CADM2: variants seen among roughly 807,000 people sequenced by gnomAD.
CADM2 encodes immunoglobulin superfamily member 4D.
In CADM2, 12 loss-of-function variants were observed where a neutral mutation model predicts 49.8. The observed-to-expected ratio is 0.24, with a 90% CI of 0.15 to 0.39. The LOEUF is 0.39. Among genes scored for constraint, CADM2 ranks in the 10% least tolerant of loss-of-function variants. CADM2 has a pLI of 1.00. For synonymous variants in CADM2, 214 were observed against 175.4 expected, an observed-to-expected ratio of 1.22 and a Z score of -1.74; for missense variants, 378 against 492.3, an observed-to-expected ratio of 0.77 and a Z score of 2.20.
chr3:84,989,678 T>C (rs955441298), intron 1 of CADM2, among the ~76,000 whole-genome samples: 3 of 152,080 alleles, frequency 2.0e-5, no homozygotes, highest in African/African-American at 7.2e-5. Flanking sequence ...TCTCACTAAA[T>C]TGCATGAGAT....
rs974872059 is a variant in CADM2 at position 84,959,498 on chromosome 3, T to C, written c.-110T>C. ...ACACCGCAGCGGTGGGGACGGTGGG[T>C]CCGGCGGGCGCCGGGAGGAGGACAC... On this transcript the variant is annotated 5_prime_UTR_variant, in exon 1 of 10. Transcript: ENST00000383699. 55 of 1,078,134 alleles carry C rather than the reference T, an allele frequency of 5.1e-5. No individual in the cohort carries two copies. Among genetic ancestry groups the C allele is most frequent in the Admixed American group, 1.3e-4 (6 of 46,212 alleles). 66.8% of individuals were successfully genotyped at this position (1,078,134 alleles called of 1,614,324 possible).
At chr3:85,176,189 A>T (rs2040781072) in intron 1 of CADM2, among the ~76,000 whole-genome samples, 1 of 152,084 alleles carries the variant, frequency 6.6e-6, no homozygotes, top group South Asian at 2.1e-4. Flanking sequence ...TGCCTTAAGC[A>T]TTCTAAGAAA....
intron 2 of CADM2, among the ~76,000 whole-genome samples, chr3:85,791,190 C>A (rs2071302603): frequency 6.6e-6 from 1 of 152,142 alleles, no homozygotes; most frequent in African/African-American, 2.4e-5. Flanking sequence ...AATTTCCTAT[C>A]TCACATGATA....
At position 85,543,233 on chromosome 3, in the gene CADM2, TA is replaced by T. The variant is rs1559898629; in HGVS notation, c.62-183288del. On this transcript the variant is annotated intron_variant, in intron 1 of 9. Coordinates refer to ENST00000383699, the MANE Select transcript of CADM2 (RefSeq NM_001167675.2). Reference sequence around the variant, plus strand: ...ATATCTAAAGTTCCACAACTCTTTTTATTTATTTATTTATTTATTTTTTATT... The same window carrying T: ...ATATCTAAAGTTCCACAACTCTTTTTTTTATTTATTTATTTATTTTTTATT... Among the ~76,000 whole-genome samples, 1,354 of 149,182 alleles carry T rather than the reference TA, an allele frequency of 9.1e-3. 20 individuals are homozygous for T. Among genetic ancestry groups the T allele is most frequent in the African/African-American group, 0.028 (1,162 of 41,092 alleles).
chr3:85,592,989 A>C (rs1054748954), intron 1 of CADM2, among the ~76,000 whole-genome samples: 1 of 151,856 alleles, frequency 6.6e-6, no homozygotes, highest in Non-Finnish European at 1.5e-5. Flanking sequence ...GCTGATTTTA[A>C]AGGGACTCCA....
chr3:85,396,148 T>G (rs1187150865), intron 1 of CADM2, among the ~76,000 whole-genome samples: 1 of 151,620 alleles, frequency 6.6e-6, no homozygotes, highest in Non-Finnish European at 1.5e-5. Flanking sequence ...GATGTAACAA[T>G]TTTTGTGTGT....
chr3:85,557,972 C>A (rs1328340333), intron 1 of CADM2, among the ~76,000 whole-genome samples: 2 of 151,996 alleles, frequency 1.3e-5, no homozygotes, highest in African/African-American at 4.8e-5. Context: ...TTAGACAAAG[C>A]ATTTGAACAC....
intron 1 of CADM2, among the ~76,000 whole-genome samples, chr3:85,601,756 G>GTTCA (rs1221975726): frequency 6.6e-6 from 1 of 150,770 alleles, no homozygotes; most frequent in Non-Finnish European, 1.5e-5. Context: ...CTTTCTTTGT[G>GTTCA]TTCATTTACT....
intron 1 of CADM2, among the ~76,000 whole-genome samples, chr3:85,666,579 A>G (rs983941745): frequency 4.6e-5 from 7 of 152,016 alleles, no homozygotes; most frequent in Non-Finnish European, 1.0e-4. Context: ...AACCAGGAAA[A>G]ACTATATTTT....
intron 1 of CADM2, among the ~76,000 whole-genome samples, chr3:85,602,097 T>C (rs545988410): frequency 6.6e-6 from 1 of 151,954 alleles, no homozygotes; most frequent in East Asian, 1.9e-4. Flanking sequence ...TTCAATTTTT[T>C]ACTTTTTCTT....
intron 3 of CADM2, among the ~76,000 whole-genome samples, chr3:85,843,833 T>C (rs759479735): frequency 1.3e-5 from 2 of 151,814 alleles, no homozygotes; most frequent in Non-Finnish European, 2.9e-5. Flanking sequence ...CAAATAGACT[T>C]GAGCAAGAAT....
rs144307462 is a variant in CADM2, at chr3:84,985,226, C to G, written c.61+25558C>G. The stretch of plus-strand genomic sequence containing the variant: ...TTTTAATATATTGCCAATAATATTC[C>G]TTTGTAACCTTATGAACTATATTAT... On this transcript the variant is annotated intron_variant, in intron 1 of 9. Coordinates refer to ENST00000383699, the MANE Select transcript of CADM2 (RefSeq NM_001167675.2). Among the ~76,000 whole-genome samples the G allele has an allele frequency of 6.2e-3, 936 of 151,912 alleles. 15 individuals carry two copies. Among genetic ancestry groups the G allele is most frequent in the African/African-American group, 0.022 (897 of 41,428 alleles).
intron 7 of CADM2, among the ~76,000 whole-genome samples, chr3:85,958,507 A>G (rs569117561): frequency 4.6e-5 from 7 of 152,098 alleles, no homozygotes; most frequent in Non-Finnish European, 8.8e-5. Context: ...TCAAGGATCT[A>G]TAACCAGAAA....
At chr3:86,058,107 C>T (rs906212528) in intron 8 of CADM2, among the ~76,000 whole-genome samples, 1 of 152,148 alleles carries the variant, frequency 6.6e-6, no homozygotes, top group Non-Finnish European at 1.5e-5. Context: ...AAATTATTCT[C>T]TTATTTAATC....
At chr3:85,439,998 C>G (rs1295241308) in intron 1 of CADM2, among the ~76,000 whole-genome samples, 1 of 152,050 alleles carries the variant, frequency 6.6e-6, no homozygotes, top group East Asian at 1.9e-4. Context: ...TAACAATATT[C>G]CATTAGGAGA....
At chr3:85,665,164 G>T (rs771372836) in intron 1 of CADM2, among the ~76,000 whole-genome samples, 1 of 151,860 alleles carries the variant, frequency 6.6e-6, no homozygotes, top group East Asian at 1.9e-4. Flanking sequence ...TTTGAAGCCT[G>T]CTTGATTGAA....
At chr3:85,562,975 A>G (rs1312704112) in intron 1 of CADM2, among the ~76,000 whole-genome samples, 1 of 152,190 alleles carries the variant, frequency 6.6e-6, no homozygotes. Context: ...GTTTTCTTGA[A>G]ATGTGATCAC....
rs969053623 is a variant in CADM2 at position 85,172,778 on chromosome 3, T to G, written c.61+213110T>G. On this transcript the variant is annotated intron_variant, in intron 1 of 9. Transcript: ENST00000383699. ...GTAAGGCTGTTGTAATTGGTGGCTC[T>G]GCGCATATGGTGAAAGTTGAGCTTG... Among the ~76,000 whole-genome samples the G allele has an allele frequency of 6.0e-5, 9 of 150,630 alleles. No homozygotes were observed. In the South Asian group the frequency reaches 1.3e-3, roughly 21 times the overall value.
At chr3:84,984,048 TAC>T (rs10603844) in intron 1 of CADM2, among the ~76,000 whole-genome samples, 46,030 of 142,728 alleles carry the variant, frequency 0.32, 7,592 homozygotes, top group Admixed American at 0.4. Context: ...TATATATATA[TAC>T]ACACACACAC....
Sources: gnomAD v4.1 joint callset for allele counts (sites outside exome capture counted in the v4.1 genomes callset) on GRCh38, gnomAD v4.1.1 for gene constraint, MANE v1.5 for transcripts, NCBI Gene and HGNC (gene_info 2026-07-23, HGNC 2026-07-21) for gene names.